Variants in LRFN5 observed in about 807,000 individuals in gnomAD.
LRFN5 encodes the protein leucine rich repeat and fibronectin type III domain containing 5.
A neutral mutation model predicts 45.6 loss-of-function variants in LRFN5; 24 were observed. The observed-to-expected ratio is 0.53, with a 90% confidence interval of 0.38 to 0.74. LRFN5 has a LOEUF of 0.74. Among genes scored for constraint, LRFN5 ranks in the 30% least tolerant of loss-of-function variants. The probability of loss-of-function intolerance (pLI) is 0.00; values close to 1 mark genes in which losing one functional copy is unlikely to be tolerated. For synonymous variants in LRFN5, 340 were observed against 313.8 expected (o/e 1.08, Z -0.88); for missense variants, 776 against 861.5 (o/e 0.90, Z 1.24).
In LRFN5 at chr14:41,894,154, T is replaced by C. The variant is rs913240274; in HGVS notation, c.2098+2192T>C. The C allele has an allele frequency of 1.3e-5, 13 of 984,500 alleles. No homozygotes were observed. In the African/African-American group the frequency reaches 2.1e-4, roughly 16 times the overall value. 61.0% of individuals were successfully genotyped at this position (984,500 alleles called of 1,614,324 possible). ...CTTAAAGAAATGAATCTTCAAAGAC[T>C]TTCTGGGATTATGAAGGTTGTGATC... On this transcript the variant is annotated intron_variant, in intron 4 of 5. Transcript: ENST00000298119.
chr14:41,658,044 G>A (rs539105056), intron 1 of LRFN5, among the ~76,000 whole-genome samples: 1 of 151,884 alleles, frequency 6.6e-6, no homozygotes, highest in East Asian at 1.9e-4. Context: ...TACCTTATGA[G>A]TAATTAAAGG....
At chr14:41,833,209 C>T (rs941895271) in intron 2 of LRFN5, among the ~76,000 whole-genome samples, 1 of 152,068 alleles carries the variant, frequency 6.6e-6, no homozygotes, top group African/African-American at 2.4e-5. Flanking sequence ...TTTTTACGAG[C>T]CCATTGATAA....
intron 1 of LRFN5, among the ~76,000 whole-genome samples, chr14:41,664,385 C>A (rs985977343): frequency 1.3e-5 from 2 of 151,870 alleles, no homozygotes; most frequent in African/African-American, 4.8e-5. Context: ...TTCCTTGTGA[C>A]AATTTTTCTT....
intron 1 of LRFN5, among the ~76,000 whole-genome samples, chr14:41,659,836 G>A (rs759557404): frequency 3.3e-5 from 5 of 149,384 alleles, no homozygotes; most frequent in Admixed American, 6.7e-5. Context: ...GTTGTTGGCT[G>A]TATGAATGCC....
intron 2 of LRFN5, among the ~76,000 whole-genome samples, chr14:41,820,428 T>C (rs1364645359): frequency 6.6e-6 from 1 of 151,960 alleles, no homozygotes; most frequent in Non-Finnish European, 1.5e-5. Context: ...GTTGTAGATA[T>C]TGGCTTCATT....
chr14:41,858,932 C>A (rs1889567992), intron 2 of LRFN5, among the ~76,000 whole-genome samples: 1 of 152,180 alleles, frequency 6.6e-6, no homozygotes, highest in Non-Finnish European at 1.5e-5. Flanking sequence ...CCATACAAAT[C>A]CTGCCCTGGA....
chr14:41,711,284 A>G (rs1367793206), intron 1 of LRFN5, among the ~76,000 whole-genome samples: 1 of 152,200 alleles, frequency 6.6e-6, no homozygotes, highest in Non-Finnish European at 1.5e-5. Context: ...ATAGGAAGCT[A>G]GAGCTGTATA....
At chr14:41,752,344 A>T (rs1885171432) in intron 1 of LRFN5, among the ~76,000 whole-genome samples, 1 of 152,288 alleles carries the variant, frequency 6.6e-6, no homozygotes, top group African/African-American at 2.4e-5. Context: ...CGCCACACTG[A>T]CTTCCACAAT....
intron 2 of LRFN5, among the ~76,000 whole-genome samples, chr14:41,823,128 G>C (rs1382914916): frequency 6.6e-6 from 1 of 151,892 alleles, no homozygotes; most frequent in Non-Finnish European, 1.5e-5. Flanking sequence ...TAGCCCATTT[G>C]TGATCAAGGT....
intron 2 of LRFN5, among the ~76,000 whole-genome samples, chr14:41,841,570 T>G (rs1888861161): frequency 1.3e-5 from 2 of 152,012 alleles, no homozygotes; most frequent in Non-Finnish European, 2.9e-5. Context: ...ATTTATGTAC[T>G]GTTCCATTGC....
intron 2 of LRFN5, among the ~76,000 whole-genome samples, chr14:41,876,303 C>T (rs1168050804): frequency 8.0e-5 from 7 of 87,290 alleles, no homozygotes; most frequent in Admixed American, 3.2e-4. Flanking sequence ...TTTTTTGAGA[C>T]GGAGTGTCGC....
At chr14:41,676,007 T>A (rs1018977013) in intron 1 of LRFN5, among the ~76,000 whole-genome samples, 2 of 152,164 alleles carry the variant, frequency 1.3e-5, no homozygotes, top group African/African-American at 4.8e-5. Flanking sequence ...ATGATACAGA[T>A]GGGTGTGAGC....
intron 2 of LRFN5, among the ~76,000 whole-genome samples, chr14:41,777,172 G>A (rs891635153): frequency 6.6e-6 from 1 of 151,688 alleles, no homozygotes; most frequent in African/African-American, 2.4e-5. Context: ...CTTGCCTAAT[G>A]TTGATTTTTT....
chr14:41,889,021 A>G (rs910346017), intron 3 of LRFN5, among the ~76,000 whole-genome samples: 12 of 124,870 alleles, frequency 9.6e-5, no homozygotes, highest in African/African-American at 2.6e-4. Flanking sequence ...ATGTGTGTGT[A>G]TATATACACA....
chr14:41,618,497 C>G (rs572817277), intron 1 of LRFN5, among the ~76,000 whole-genome samples: 2 of 152,278 alleles, frequency 1.3e-5, no homozygotes, highest in Admixed American at 1.3e-4. Flanking sequence ...ACAGCCAGCT[C>G]CAATGGCCAG....
At chr14:41,787,513 T>TC (rs964841266) in intron 2 of LRFN5, among the ~76,000 whole-genome samples, 1 of 151,130 alleles carries the variant, frequency 6.6e-6, no homozygotes, top group African/African-American at 2.4e-5. Flanking sequence ...TTTTTTGTCT[T>TC]TTTTTTTTCT....
intron 1 of LRFN5, among the ~76,000 whole-genome samples, chr14:41,682,247 AAAT>A (rs373861274): frequency 9.4e-4 from 139 of 148,380 alleles, no homozygotes; most frequent in Non-Finnish European, 1.5e-3. Flanking sequence ...CTTCATCTTA[AAAT>A]AATAATAATA....
intron 1 of LRFN5, among the ~76,000 whole-genome samples, chr14:41,723,414 A>C (rs1883806147): frequency 1.3e-5 from 2 of 152,202 alleles, no homozygotes; most frequent in African/African-American, 4.8e-5. Context: ...GGTTCTCAGA[A>C]TGCCTGGAGC....
chr14:41,609,197 A>G (rs1445696824), intron 1 of LRFN5, among the ~76,000 whole-genome samples: 2 of 152,204 alleles, frequency 1.3e-5, no homozygotes, highest in Admixed American at 6.5e-5. Context: ...ATGTAGCAGA[A>G]TAAATCCATG....
Sources: allele counts gnomAD v4.1 joint callset (sites outside exome capture counted in the v4.1 genomes callset), GRCh38; gene constraint gnomAD v4.1.1; transcripts MANE v1.5; gene names NCBI Gene and HGNC (gene_info 2026-07-23, HGNC 2026-07-21).